Variants in ROBO1 observed in about 807,000 individuals in gnomAD.
ROBO1 encodes roundabout guidance receptor 1, also known as roundabout homolog 1.
ROBO1 carries 149 observed loss-of-function variants against 195.9 expected under a neutral mutation model. The observed-to-expected ratio is 0.76, with a 90% CI of 0.67 to 0.87. The LOEUF (loss-of-function observed/expected upper bound fraction) is 0.87. Ranked by LOEUF, ROBO1 falls within the 40% of genes least tolerant of loss-of-function variation. The probability of loss-of-function intolerance (pLI) is 0.00; values close to 1 mark genes in which losing one functional copy is unlikely to be tolerated. For synonymous variants in ROBO1, 816 were observed against 733.2 expected, an observed-to-expected ratio of 1.11 and a Z score of -1.82; for missense variants, 1,933 against 2,068.3, an observed-to-expected ratio of 0.93 and a Z score of 1.27.
At chr3:79,653,537 T>A (rs79531390) in intron 1 of ROBO1, among the ~76,000 whole-genome samples, 3,877 of 152,134 alleles carry the variant, frequency 0.025, 63 homozygotes, top group Middle Eastern at 0.034. Context: ...AAGAACCATA[T>A]GAAAGAAATA....
At chr3:78,627,756 T>C (rs778552853) in intron 25 of ROBO1, among the ~76,000 whole-genome samples, 187 bp from the exon 26 acceptor site, 1 of 152,190 alleles carries the variant, frequency 6.6e-6, no homozygotes, top group Non-Finnish European at 1.5e-5. Context: ...TATTTTTCTC[T>C]AAGGGATTGT....
At chr3:79,205,138 G>C (rs765958676) in intron 2 of ROBO1, among the ~76,000 whole-genome samples, 4 of 151,846 alleles carry the variant, frequency 2.6e-5, no homozygotes, top group Non-Finnish European at 5.9e-5. Flanking sequence ...GATTACAGGC[G>C]CGCACCACCA....
At chr3:78,732,545 T>C (rs1235090162) in intron 5 of ROBO1, among the ~76,000 whole-genome samples, 1 of 152,194 alleles carries the variant, frequency 6.6e-6, no homozygotes, top group Non-Finnish European at 1.5e-5. Context: ...GTGCTTATTA[T>C]CATGAATGTT....
intron 2 of ROBO1, among the ~76,000 whole-genome samples, chr3:79,242,235 A>G (rs886586175): frequency 6.6e-6 from 1 of 151,910 alleles, no homozygotes; most frequent in African/African-American, 2.4e-5. Context: ...ATAAAAGCAC[A>G]TTAGAACTGA....
At chr3:78,683,628 A>G (rs2107809946) in intron 10 of ROBO1, among the ~76,000 whole-genome samples, 1 of 152,190 alleles carries the variant, frequency 6.6e-6, no homozygotes, top group South Asian at 2.1e-4. Flanking sequence ...TAAGCCCACA[A>G]ATCTATGTTT....
At chr3:79,187,728 A>G (rs1205612929) in intron 2 of ROBO1, among the ~76,000 whole-genome samples, 1 of 152,020 alleles carries the variant, frequency 6.6e-6, no homozygotes, top group Non-Finnish European at 1.5e-5. Context: ...ACCTGGTTTC[A>G]GGCACAGCTA....
At chr3:78,607,424 G>A in intron 28 of ROBO1, 1 of 191,954 alleles carries the variant, frequency 5.2e-6, no homozygotes, top group Non-Finnish European at 1.1e-5. Flanking sequence ...TGTTGCCCAG[G>A]CTGGTCTCAA....
chr3:78,824,261 T>C (rs1025339840), intron 4 of ROBO1, among the ~76,000 whole-genome samples: 2 of 152,162 alleles, frequency 1.3e-5, no homozygotes, highest in African/African-American at 4.8e-5. Flanking sequence ...GCAGAAGTAA[T>C]TGAGGTTTTT....
chr3:79,422,143 T>C lies in ROBO1; in HGVS notation c.88+167681A>G, dbSNP rs146578228. On this transcript the variant is annotated intron_variant, in intron 2 of 30. Coordinates refer to ENST00000464233, the MANE Select transcript of ROBO1 (RefSeq NM_002941.4). ...TATGCATATTATATACAATACATAT[T>C]TTATGTATTATATACAATACATATC... 2.4e-3 allele frequency among the ~76,000 whole-genome samples: 352 copies of C among 148,286 alleles called. 2 individuals are homozygous for C. Among genetic ancestry groups the C allele is most frequent in the African/African-American group, 7.9e-3 (323 of 40,920 alleles).
chr3:79,059,513 G>A (rs115168273), intron 3 of ROBO1, among the ~76,000 whole-genome samples: 2,990 of 152,128 alleles, frequency 0.02, 43 homozygotes, highest in Non-Finnish European at 0.03. Flanking sequence ...GAAAGAGAGC[G>A]ATGTTGTGGG....
intron 4 of ROBO1, among the ~76,000 whole-genome samples, chr3:78,786,818 A>G (rs924617009): frequency 2.0e-5 from 3 of 152,114 alleles, no homozygotes; most frequent in African/African-American, 7.2e-5. Flanking sequence ...TTTATAAATT[A>G]CCCAGTCTCA....
At chr3:78,812,586 C>T (rs930472729) in intron 4 of ROBO1, among the ~76,000 whole-genome samples, 6 of 152,076 alleles carry the variant, frequency 3.9e-5, no homozygotes, top group Non-Finnish European at 8.8e-5. Flanking sequence ...TCTTCCTGCT[C>T]TATTTTGCTT....
intron 3 of ROBO1, among the ~76,000 whole-genome samples, chr3:78,979,165 T>C (rs2076941200): frequency 6.6e-6 from 1 of 152,188 alleles, no homozygotes; most frequent in East Asian, 1.9e-4. Context: ...TGCTAATTAG[T>C]GCTTTCCTAA....
At chr3:79,358,436 T>C (rs978790700) in intron 2 of ROBO1, among the ~76,000 whole-genome samples, 2 of 152,166 alleles carry the variant, frequency 1.3e-5, no homozygotes, top group Admixed American at 6.6e-5. Flanking sequence ...GTTGATATCC[T>C]GAGAAGCTAT....
chr3:79,595,724 C>CTT lies in ROBO1; in HGVS notation c.-50-5765_-50-5764dup, dbSNP rs371458059. ...TGGCTTTCTTCTCTTTTTCTTTTTA[C>CTT]TTTTTTTTTTTTTTTGTCGATATAG... On this transcript the variant is annotated intron_variant, in intron 1 of 30. Coordinates refer to ENST00000464233, the MANE Select transcript of ROBO1 (RefSeq NM_002941.4). Among the ~76,000 whole-genome samples the CTT allele has an allele frequency of 2.6e-3, 359 of 138,426 alleles. 3 individuals carry two copies. Among genetic ancestry groups the CTT allele is most frequent in the African/African-American group, 8.5e-3 (324 of 38,056 alleles). The allele number at this position is 138,426 out of a possible 152,430, so 90.8% of individuals were successfully genotyped here.
intron 4 of ROBO1, among the ~76,000 whole-genome samples, chr3:78,803,461 T>C (rs75185328): frequency 1.3e-5 from 2 of 152,204 alleles, no homozygotes; most frequent in East Asian, 3.9e-4. Flanking sequence ...TAGATTTTTT[T>C]AAAAATTCGA....
At chr3:79,640,150 C>T (rs1285150530) in intron 1 of ROBO1, among the ~76,000 whole-genome samples, 1 of 152,024 alleles carries the variant, frequency 6.6e-6, no homozygotes, top group Non-Finnish European at 1.5e-5. Flanking sequence ...ATTCTGGTTT[C>T]ACCTAATTTA....
At chr3:79,558,113 C>T (rs1357161377) in intron 2 of ROBO1, among the ~76,000 whole-genome samples, 1 of 152,122 alleles carries the variant, frequency 6.6e-6, no homozygotes, top group Admixed American at 6.5e-5. Flanking sequence ...CCTTGAAAAA[C>T]AGGAGTTTGA....
intron 2 of ROBO1, among the ~76,000 whole-genome samples, chr3:79,171,935 A>C (rs2081175441): frequency 6.6e-6 from 1 of 152,126 alleles, no homozygotes; most frequent in South Asian, 2.1e-4. Context: ...TGGAGAGTCC[A>C]TTATCAAAAC....
Sources: gnomAD v4.1 joint callset for allele counts (sites outside exome capture counted in the v4.1 genomes callset) on GRCh38, gnomAD v4.1.1 for gene constraint, MANE v1.5 for transcripts, NCBI Gene and HGNC (gene_info 2026-07-23, HGNC 2026-07-21) for gene names.